The following MYO16 variants were observed in gnomAD, a reference collection of about 807,000 sequenced individuals.
MYO16 encodes myosin XVI, also known as unconventional myosin-XVI.
Under a neutral mutation model 205.3 loss-of-function variants are expected in MYO16, and 94 were observed. That is an observed-to-expected ratio of 0.46 (90% CI 0.39 to 0.54). The LOEUF (loss-of-function observed/expected upper bound fraction) is 0.54, where lower values mean the gene tolerates loss of function less well. Among genes scored for constraint, MYO16 ranks in the 20% least tolerant of loss-of-function variants. MYO16 has a pLI of 0.00. For synonymous variants in MYO16, 988 were observed against 954.0 expected (o/e 1.04, Z -0.66); for missense variants, 2,315 against 2,387.5 (o/e 0.97, Z 0.63).
At chr13:109,049,265 C>A (rs1054862984) in intron 24 of MYO16, among the ~76,000 whole-genome samples, 1 of 152,068 alleles carries the variant, frequency 6.6e-6, no homozygotes, top group African/African-American at 2.4e-5. Context: ...CTTGTAATCC[C>A]AGTGAGAGAA....
chr13:109,007,539 C>CGTGTGTGTGTGTGTGT (rs71125360), intron 21 of MYO16, among the ~76,000 whole-genome samples: 2 of 133,618 alleles, frequency 1.5e-5, no homozygotes, highest in Non-Finnish European at 3.2e-5. Flanking sequence ...AGAAATCAGC[C>CGTGTGTGTGTGTGTGT]GTGTGTGTGT....
At chr13:108,936,094 TTCCTTC>T (rs1882467399) in intron 16 of MYO16, among the ~76,000 whole-genome samples, 1 of 21,144 alleles carries the variant, frequency 4.7e-5, no homozygotes, top group Admixed American at 6.4e-4. Flanking sequence ...GTTTCCTTCC[TTCCTTC>T]CTTCCTTCCT....
At chr13:109,188,306 A>G (rs1196207972) in intron 34 of MYO16, among the ~76,000 whole-genome samples, 1 of 152,154 alleles carries the variant, frequency 6.6e-6, no homozygotes, top group African/African-American at 2.4e-5. Flanking sequence ...ATGTTGTGCA[A>G]CTATCTCTAC....
intron 27 of MYO16, among the ~76,000 whole-genome samples, chr13:109,091,967 T>A (rs1363535722): frequency 6.6e-6 from 1 of 152,234 alleles, no homozygotes; most frequent in Non-Finnish European, 1.5e-5. Flanking sequence ...TGCTTTATAT[T>A]TGACCATGTG....
At chr13:109,016,212 C>T (rs1023452399) in intron 22 of MYO16, among the ~76,000 whole-genome samples, 3 of 152,128 alleles carry the variant, frequency 2.0e-5, no homozygotes, top group African/African-American at 7.2e-5. Context: ...CCCTTCATTT[C>T]GTGATTTACC....
chr13:109,101,138 A>G, intron 28 of MYO16: 1 of 403,816 alleles, frequency 2.5e-6, no homozygotes, highest in Non-Finnish European at 4.7e-6. Flanking sequence ...TATGAGCCCC[A>G]TTCTGTTTGC....
the MYO16 span, among the ~76,000 whole-genome samples, chr13:108,584,475 G>A: frequency 1.3e-4 from 20 of 152,014 alleles, no homozygotes; most frequent in Admixed American, 1.2e-3. Context: ...TTTGTGTTGG[G>A]AAACTTCCAA....
chr13:108,957,156 T>G (rs1378029794), intron 16 of MYO16, among the ~76,000 whole-genome samples: 1 of 151,794 alleles, frequency 6.6e-6, no homozygotes, highest in African/African-American at 2.4e-5. Flanking sequence ...GAGGCCGAGG[T>G]GGGTGGATCA....
chr13:108,844,292 G>A (rs1386646780), intron 9 of MYO16, 51 bp from the exon 10 acceptor site: 2 of 1,506,018 alleles, frequency 1.3e-6, no homozygotes, highest in Admixed American at 3.7e-5. Context: ...ATTTTCGATT[G>A]ATAAAACATT....
chr13:109,084,448 A>G (rs1888376525), intron 27 of MYO16, among the ~76,000 whole-genome samples: 1 of 152,208 alleles, frequency 6.6e-6, no homozygotes. Context: ...AGAAATGAAA[A>G]TAAGAAATGA....
At chr13:108,777,282 A>T (rs1022490264) in intron 4 of MYO16, among the ~76,000 whole-genome samples, 2 of 152,186 alleles carry the variant, frequency 1.3e-5, no homozygotes, top group Non-Finnish European at 2.9e-5. Context: ...GTAGAAGACA[A>T]AAAGTCCACC....
At chr13:109,017,456 T>A (rs943698811) in intron 22 of MYO16, among the ~76,000 whole-genome samples, 1 of 152,206 alleles carries the variant, frequency 6.6e-6, no homozygotes, top group Non-Finnish European at 1.5e-5. Flanking sequence ...GGGTTGCTTT[T>A]CTTGAGGAGT....
chr13:108,871,139 T>G (rs1472845948), intron 12 of MYO16, among the ~76,000 whole-genome samples: 3 of 152,190 alleles, frequency 2.0e-5, no homozygotes, highest in Non-Finnish European at 4.4e-5. Context: ...AATCATTCCT[T>G]AAAATGCAGA....
At chr13:108,653,795 A>G (rs575916941) in intron 1 of MYO16, among the ~76,000 whole-genome samples, 94 of 150,654 alleles carry the variant, frequency 6.2e-4, no homozygotes, top group East Asian at 1.8e-3. Context: ...ATATATATAT[A>G]TGTGTGTATA....
chr13:108,545,233 A>G, the MYO16 span, among the ~76,000 whole-genome samples: 1 of 152,132 alleles, frequency 6.6e-6, no homozygotes, highest in Non-Finnish European at 1.5e-5. Flanking sequence ...TTTAGCTTCC[A>G]TTTATAAGTG....
At chr13:109,159,980 C>T (rs1878295366) in intron 32 of MYO16, among the ~76,000 whole-genome samples, 2 of 152,166 alleles carry the variant, frequency 1.3e-5, no homozygotes, top group Non-Finnish European at 2.9e-5. Flanking sequence ...TGACATGATC[C>T]GACTTATGTT....
intron 16 of MYO16, among the ~76,000 whole-genome samples, chr13:108,931,401 T>C (rs1024740015): frequency 6.6e-6 from 1 of 152,150 alleles, no homozygotes; most frequent in Non-Finnish European, 1.5e-5. Context: ...GCTTGGATTC[T>C]CCTCCTCCTC....
chr13:108,808,874 T>G (rs1240093841), intron 7 of MYO16, among the ~76,000 whole-genome samples: 1 of 152,138 alleles, frequency 6.6e-6, no homozygotes, highest in Non-Finnish European at 1.5e-5. Context: ...ATAAGCCCAA[T>G]CTAATTGTCA....
chr13:108,583,555 T>G, the MYO16 span, among the ~76,000 whole-genome samples: 1 of 152,308 alleles, frequency 6.6e-6, no homozygotes, highest in East Asian at 1.9e-4. Flanking sequence ...TGATATACTA[T>G]TTTTTAATAA....
Sources: gnomAD v4.1 joint callset for allele counts (sites outside exome capture counted in the v4.1 genomes callset) on GRCh38, gnomAD v4.1.1 for gene constraint, MANE v1.5 for transcripts, NCBI Gene and HGNC (gene_info 2026-07-23, HGNC 2026-07-21) for gene names.